The following TMEM74 variants were observed in gnomAD, a reference collection of about 807,000 sequenced individuals.
TMEM74 encodes the protein transmembrane protein 74.
A neutral mutation model predicts 18.1 loss-of-function variants in TMEM74; 13 were observed. That is an observed-to-expected ratio of 0.72 (90% CI 0.47 to 1.14). TMEM74 has a LOEUF of 1.14. Ranked by LOEUF, TMEM74 falls within the 50% of genes most tolerant of loss-of-function variation. TMEM74 has a pLI of 0.00. For synonymous variants in TMEM74, 159 were observed against 146.6 expected (o/e 1.08, Z -0.61); for missense variants, 372 against 375.9 (o/e 0.99, Z 0.09).
intron 2 of TMEM74, among the ~76,000 whole-genome samples, chr8:108,646,664 C>T (rs1371794343): frequency 6.6e-6 from 1 of 152,072 alleles, no homozygotes. Context: ...TGAGATTCTG[C>T]AAAATATTCA....
intron 1 of TMEM74, among the ~76,000 whole-genome samples, chr8:108,669,820 C>T (rs1812985028): frequency 6.6e-6 from 1 of 151,806 alleles, no homozygotes; most frequent in South Asian, 2.1e-4. Flanking sequence ...GGCGGATCAC[C>T]TAAGGTCAGG....
chr8:108,755,336 T>A (rs1813948917), intron 1 of TMEM74, among the ~76,000 whole-genome samples: 1 of 152,090 alleles, frequency 6.6e-6, no homozygotes, highest in African/African-American at 2.4e-5. Context: ...AGTTAAACTG[T>A]GCCTGGATGC....
intron 2 of TMEM74, among the ~76,000 whole-genome samples, chr8:108,611,811 G>A (rs1323136362): frequency 1.3e-5 from 2 of 151,968 alleles, no homozygotes; most frequent in African/African-American, 4.8e-5. Flanking sequence ...ATTTTTTAAG[G>A]CACTGTATTA....
intron 1 of TMEM74, among the ~76,000 whole-genome samples, chr8:108,671,567 T>C (rs1192075748): frequency 5.3e-5 from 8 of 152,174 alleles, no homozygotes; most frequent in Non-Finnish European, 1.0e-4. Flanking sequence ...TCCGAAAATG[T>C]TGAGTCCTGT....
chr8:108,681,092 C>T (rs1215697350), intron 1 of TMEM74, among the ~76,000 whole-genome samples: 1 of 152,092 alleles, frequency 6.6e-6, no homozygotes, highest in Admixed American at 6.6e-5. Flanking sequence ...CCATACTGCC[C>T]AAGGTAATTT....
At chr8:108,742,712 T>C (rs3019359) in intron 1 of TMEM74, among the ~76,000 whole-genome samples, 96,723 of 152,102 alleles carry the variant, frequency 0.64, 31,164 homozygotes, top group East Asian at 0.84. Flanking sequence ...TGAGCTCTCT[T>C]GCTCAGCTAC....
intron 1 of TMEM74, among the ~76,000 whole-genome samples, chr8:108,732,334 C>T (rs113142013): frequency 3.3e-5 from 5 of 152,222 alleles, no homozygotes; most frequent in African/African-American, 7.2e-5. Context: ...CATTTATATA[C>T]GTGTGTGTGT....
intron 1 of TMEM74, among the ~76,000 whole-genome samples, chr8:108,676,280 G>T (rs1422038346): frequency 6.6e-6 from 1 of 152,126 alleles, no homozygotes; most frequent in East Asian, 1.9e-4. Context: ...CTGCCCATCT[G>T]CTTCGGAATA....
At chr8:108,732,608 G>C (rs1001704559) in intron 1 of TMEM74, among the ~76,000 whole-genome samples, 1 of 151,970 alleles carries the variant, frequency 6.6e-6, no homozygotes, top group Non-Finnish European at 1.5e-5. Context: ...TTTCAACAGA[G>C]TCATCAAAGC....
downstream of TMEM74, among the ~76,000 whole-genome samples, chr8:108,776,833 T>C (rs573889581): frequency 2.0e-5 from 3 of 151,652 alleles, no homozygotes; most frequent in South Asian, 6.3e-4. Flanking sequence ...AAAAGGAGGA[T>C]GAGGAGGAGA....
intron 1 of TMEM74, among the ~76,000 whole-genome samples, chr8:108,737,895 C>G (rs1813763833): frequency 6.6e-6 from 1 of 152,192 alleles, no homozygotes. Flanking sequence ...CAAAAAGTAG[C>G]ACATAATCTC....
At chr8:108,619,293 T>C (rs1208615674) in intron 2 of TMEM74, among the ~76,000 whole-genome samples, 4 of 152,136 alleles carry the variant, frequency 2.6e-5, no homozygotes, top group Non-Finnish European at 4.4e-5. Context: ...TTTTTAAAAG[T>C]CCAAGAATAA....
intron 1 of TMEM74, among the ~76,000 whole-genome samples, chr8:108,747,043 C>A (rs1262378138): frequency 6.6e-6 from 1 of 152,106 alleles, no homozygotes; most frequent in East Asian, 1.9e-4. Context: ...AGTACGAGGT[C>A]AGGGGAATCT....
At chr8:108,747,213 C>G (rs1813857136) in intron 1 of TMEM74, among the ~76,000 whole-genome samples, 1 of 151,648 alleles carries the variant, frequency 6.6e-6, no homozygotes, top group African/African-American at 2.4e-5. Context: ...TTTGGGACAC[C>G]CAGCTGATGT....
chr8:108,630,070 G>A (rs948508820), intron 2 of TMEM74, among the ~76,000 whole-genome samples: 2 of 151,932 alleles, frequency 1.3e-5, no homozygotes, highest in African/African-American at 4.8e-5. Flanking sequence ...ACCCATCAAT[G>A]TGCTGTATTC....
chr8:108,630,903 C>G (rs3019386), intron 2 of TMEM74, among the ~76,000 whole-genome samples: 1 of 151,784 alleles, frequency 6.6e-6, no homozygotes, highest in Non-Finnish European at 1.5e-5. Context: ...TCTACCCCAG[C>G]AGTTCAGGAC....
chr8:108,662,336 G>A (rs1166335983), intron 1 of TMEM74, among the ~76,000 whole-genome samples: 2 of 152,000 alleles, frequency 1.3e-5, no homozygotes, highest in Admixed American at 6.6e-5. Context: ...GGCAGTGAGG[G>A]AACAAACAGA....
intron 1 of TMEM74, among the ~76,000 whole-genome samples, chr8:108,659,717 C>T (rs1206451363): frequency 1.3e-5 from 2 of 152,182 alleles, no homozygotes; most frequent in Admixed American, 6.6e-5. Flanking sequence ...CCACTTCCTG[C>T]TCCAACCTGT....
chr8:108,633,158 T>C (rs888100149), intron 2 of TMEM74, among the ~76,000 whole-genome samples: 2 of 152,006 alleles, frequency 1.3e-5, no homozygotes, highest in African/African-American at 4.8e-5. Flanking sequence ...ACTCAGAGGA[T>C]TACTGTAATA....
Sources: gnomAD v4.1 joint callset for allele counts (sites outside exome capture counted in the v4.1 genomes callset) on GRCh38, gnomAD v4.1.1 for gene constraint, MANE v1.5 for transcripts, NCBI Gene and HGNC (gene_info 2026-07-23, HGNC 2026-07-21) for gene names.